The following CNKSR3 variants were observed in gnomAD, a reference collection of about 807,000 sequenced individuals.
CNKSR3 encodes the protein connector enhancer of kinase suppressor of ras 3.
In CNKSR3, 36 loss-of-function variants were observed where a neutral mutation model predicts 67.7. The observed-to-expected ratio is 0.53, with a 90% confidence interval of 0.41 to 0.70. CNKSR3 has a LOEUF of 0.70. CNKSR3 is among the 30% of genes least tolerant of loss of function. The probability of loss-of-function intolerance (pLI) is 0.00; values close to 1 mark genes in which losing one functional copy is unlikely to be tolerated. For missense variants in CNKSR3, 630 were observed against 695.2 expected, an observed-to-expected ratio of 0.91 and a Z score of 1.05; for synonymous variants, 281 against 271.4, an observed-to-expected ratio of 1.04 and a Z score of -0.35.
At chr6:154,499,685 A>T (rs1786944430) in intron 1 of CNKSR3, among the ~76,000 whole-genome samples, 2 of 151,976 alleles carry the variant, frequency 1.3e-5, no homozygotes, top group African/African-American at 4.8e-5. Context: ...GCCCAAGTTG[A>T]TCTCGAACTC....
In CNKSR3 at chr6:154,403,995, C is replaced by G. The variant is rs1162504100; in HGVS notation, c.*2359G>C. The G allele has an allele frequency of 6.6e-6, 1 of 152,154 alleles. No homozygotes were observed. The highest frequency in any genetic ancestry group is 1.9e-4 in the East Asian group (1 of 5,192). The allele number at this position is 152,154 out of a possible 1,614,324, so 9.4% of individuals were successfully genotyped here. ...CCACTTCCTGGGCATAAAGCCAGCT[C>G]AAGACAAGAGTAAAACAGGCAGGGC... On this transcript the variant is annotated 3_prime_UTR_variant, in exon 13 of 13. Transcript: ENST00000607772.
chr6:154,409,915 C>T (rs546767597), intron 12 of CNKSR3, among the ~76,000 whole-genome samples: 38 of 148,780 alleles, frequency 2.6e-4, no homozygotes, highest in African/African-American at 9.2e-4. Flanking sequence ...GCCGTGGTGG[C>T]GTGCACCTGT....
chr6:154,496,908 C>T (rs538147906), intron 1 of CNKSR3, among the ~76,000 whole-genome samples: 1 of 152,314 alleles, frequency 6.6e-6, no homozygotes, highest in African/African-American at 2.4e-5. Flanking sequence ...AGACGTCAGG[C>T]TCTAATGCCT....
intron 1 of CNKSR3, among the ~76,000 whole-genome samples, chr6:154,453,271 CAGA>C (rs1376520604): frequency 2.0e-5 from 3 of 152,034 alleles, no homozygotes; most frequent in African/African-American, 2.4e-5. Context: ...GAAAAATTCA[CAGA>C]AGGAGTAGGA....
chr6:154,428,088 AAC>A, intron 7 of CNKSR3, 38 bp downstream of exon 7: 1 of 1,318,550 alleles, frequency 7.6e-7, no homozygotes, highest in Non-Finnish European at 1.1e-6. Context: ...AATCTGTTTA[AAC>A]ACACAACAGA....
At chr6:154,481,743 G>A (rs534897786) in intron 1 of CNKSR3, among the ~76,000 whole-genome samples, 25 of 152,328 alleles carry the variant, frequency 1.6e-4, no homozygotes, top group Middle Eastern at 3.4e-3. Flanking sequence ...ACAGCAGGTG[G>A]CTGTCACATT....
intron 1 of CNKSR3, among the ~76,000 whole-genome samples, chr6:154,485,167 A>C (rs1168533065): frequency 1.3e-5 from 2 of 152,230 alleles, no homozygotes; most frequent in Non-Finnish European, 2.9e-5. Context: ...TTAATTATGA[A>C]TCACATCTCC....
intron 1 of CNKSR3, among the ~76,000 whole-genome samples, chr6:154,469,417 C>T (rs1265585806): frequency 6.6e-6 from 1 of 152,102 alleles, no homozygotes; most frequent in African/African-American, 2.4e-5. Context: ...AGATAAAAAC[C>T]TAGTATTACA....
intron 1 of CNKSR3, among the ~76,000 whole-genome samples, chr6:154,480,679 C>G (rs1265608149): frequency 2.0e-5 from 3 of 152,180 alleles, no homozygotes; most frequent in Non-Finnish European, 4.4e-5. Context: ...CACTACTGAA[C>G]TATAAACATC....
At chr6:154,493,964 G>A (rs959386256) in intron 1 of CNKSR3, among the ~76,000 whole-genome samples, 1 of 152,050 alleles carries the variant, frequency 6.6e-6, no homozygotes, top group African/African-American at 2.4e-5. Flanking sequence ...ACCCCCTAAT[G>A]TGTTCCAGTG....
chr6:154,510,245 G>A lies in CNKSR3; in HGVS notation c.-131C>T. 1 of 1,004,680 alleles carries A rather than the reference G, an allele frequency of 1.0e-6. No homozygotes were observed. The allele number at this position is 1,004,680 out of a possible 1,614,324, so 62.2% of individuals were successfully genotyped here. A position where few individuals can be genotyped will look rare whatever the true frequency, so the allele number is the denominator to read the frequency against. ...GCGCCCGAGCGACTCCGTCAAGACT[G>A]CATGGCCGCGGTCAGCCAGTCGTCC... On this transcript the variant is annotated 5_prime_UTR_variant, in exon 1 of 13. An upstream open reading frame in the 5' UTR gains an earlier in-frame stop. Transcript: ENST00000607772.
intron 1 of CNKSR3, among the ~76,000 whole-genome samples, chr6:154,483,767 T>C (rs1786613819): frequency 6.6e-6 from 1 of 152,178 alleles, no homozygotes; most frequent in Non-Finnish European, 1.5e-5. Context: ...CCTAGACCTG[T>C]AAGTACATCT....
chr6:154,445,850 AGAAAG>A (rs1785697424), intron 2 of CNKSR3, among the ~76,000 whole-genome samples: 1 of 152,190 alleles, frequency 6.6e-6, no homozygotes, highest in Admixed American at 6.5e-5. Context: ...GAGGAGAAGA[AGAAAG>A]GAAAGTTCCT....
chr6:154,455,352 T>C (rs1345111027), intron 1 of CNKSR3, among the ~76,000 whole-genome samples: 1 of 152,160 alleles, frequency 6.6e-6, no homozygotes, highest in South Asian at 2.1e-4. Flanking sequence ...CTTCCTCCAC[T>C]GGTGTGGAGA....
At chr6:154,509,657 C>A (rs1255347802) in intron 1 of CNKSR3, among the ~76,000 whole-genome samples, 1 of 152,206 alleles carries the variant, frequency 6.6e-6, no homozygotes, top group Non-Finnish European at 1.5e-5. Context: ...GGACGAGGTC[C>A]CGCGGGAGTC....
intron 1 of CNKSR3, among the ~76,000 whole-genome samples, chr6:154,470,402 T>C (rs1786301510): frequency 6.6e-6 from 1 of 152,056 alleles, no homozygotes; most frequent in Non-Finnish European, 1.5e-5. Context: ...TTTCACCATG[T>C]TGTCCAGGCT....
At chr6:154,503,743 C>A (rs1787042029) in intron 1 of CNKSR3, among the ~76,000 whole-genome samples, 1 of 151,924 alleles carries the variant, frequency 6.6e-6, no homozygotes, top group Non-Finnish European at 1.5e-5. Context: ...GATGCTGTTG[C>A]TAGGTGGTGC....
At chr6:154,429,816 C>T (rs1220964177) in intron 6 of CNKSR3, among the ~76,000 whole-genome samples, 1 of 152,100 alleles carries the variant, frequency 6.6e-6, no homozygotes, top group Non-Finnish European at 1.5e-5. Context: ...TGGTACTTGG[C>T]ATTCACAATC....
At chr6:154,483,735 A>G (rs1201967166) in intron 1 of CNKSR3, among the ~76,000 whole-genome samples, 2 of 151,926 alleles carry the variant, frequency 1.3e-5, no homozygotes, top group African/African-American at 2.4e-5. Flanking sequence ...TCTCTCATTC[A>G]TTTGTGCTCC....
Sources: gnomAD v4.1 joint callset for allele counts (sites outside exome capture counted in the v4.1 genomes callset) on GRCh38, gnomAD v4.1.1 for gene constraint, MANE v1.5 for transcripts, NCBI Gene and HGNC (gene_info 2026-07-23, HGNC 2026-07-21) for gene names.